KIF21A: variants seen among roughly 807,000 people sequenced by gnomAD.
KIF21A encodes kinesin family member 21A.
KIF21A carries 114 observed loss-of-function variants against 202.9 expected under a neutral mutation model. That is an observed-to-expected ratio of 0.56 (90% CI 0.48 to 0.66). KIF21A has a LOEUF of 0.66. KIF21A is among the 30% of genes least tolerant of loss of function. KIF21A has a pLI of 0.00. For missense variants in KIF21A, 1,677 were observed against 1,994.9 expected, an observed-to-expected ratio of 0.84 and a Z score of 3.04; for synonymous variants, 667 against 670.8, an observed-to-expected ratio of 0.99 and a Z score of 0.09.
chr12:39,411,811 A>T (rs1352447755), intron 1 of KIF21A, among the ~76,000 whole-genome samples: 1 of 152,116 alleles, frequency 6.6e-6, no homozygotes, highest in East Asian at 1.9e-4. Context: ...TGCTGGGATT[A>T]TAGGTATGAG....
At chr12:39,348,435 CA>C (rs776774565) in intron 11 of KIF21A, among the ~76,000 whole-genome samples, 1 of 152,052 alleles carries the variant, frequency 6.6e-6, no homozygotes, top group Non-Finnish European at 1.5e-5. Flanking sequence ...CTTAAAACCT[CA>C]CATATTAGCT....
At chr12:39,416,702 C>CATATATGTGT (rs1953690915) in intron 1 of KIF21A, among the ~76,000 whole-genome samples, 3 of 76,554 alleles carry the variant, frequency 3.9e-5, no homozygotes, top group African/African-American at 2.3e-4. Context: ...TATATATGTA[C>CATATATGTGT]ATATATATGT....
rs1424497663 is a variant in KIF21A at position 39,436,422 on chromosome 12, T to TTTTATATATA, written c.44+6504_44+6505insTATATATAAA. ...TCAATAATTATAAGGGTTTACTATA[T>TTTTATATATA]TATATATATATATATATATATATAT... On this transcript the variant is annotated intron_variant, in intron 1 of 37. Transcript: ENST00000361418. Among the ~76,000 whole-genome samples, 42 of 99,106 alleles carry TTTTATATATA rather than the reference T, an allele frequency of 4.2e-4. 1 individual carries two copies. The highest frequency in any genetic ancestry group is 1.9e-3 in the East Asian group (5 of 2,690). The allele number at this position is 99,106 out of a possible 152,430, so 65.0% of individuals were successfully genotyped here.
At chr12:39,363,981 G>A (rs1949430186) in intron 6 of KIF21A, among the ~76,000 whole-genome samples, 1 of 152,178 alleles carries the variant, frequency 6.6e-6, no homozygotes. Flanking sequence ...TTGCACCACT[G>A]CATTCCAGCC....
intron 13 of KIF21A, 26 bp from the exon 14 acceptor site, chr12:39,341,648 T>C (rs1186832097): frequency 2.5e-6 from 4 of 1,577,892 alleles, no homozygotes; most frequent in Admixed American, 3.6e-5. Context: ...TAAAAATTAA[T>C]AGCACAATAT....
chr12:39,438,495 A>C (rs58613501), intron 1 of KIF21A, among the ~76,000 whole-genome samples: 51,168 of 152,076 alleles, frequency 0.34, 10,784 homozygotes, highest in African/African-American at 0.6. Context: ...GTGCCAGTGA[A>C]AGACCTAAAA....
Position 39,296,087 on chromosome 12 carries a change from T to A in KIF21A, c.4932-1570A>T, listed in dbSNP as rs1473193843. Among the ~76,000 whole-genome samples, 4 of 134,256 alleles carry A rather than the reference T, an allele frequency of 3.0e-5. No individual in the cohort carries two copies. The South Asian group carries it at 8.0e-4, about 27-fold the overall frequency. The allele number at this position is 134,256 out of a possible 152,430, so 88.1% of individuals were successfully genotyped here. On this transcript the variant is annotated intron_variant, in intron 37 of 37. Coordinates refer to ENST00000361418, the MANE Select transcript of KIF21A (RefSeq NM_001173464.2). ...TGGGATACGCTTTTTTTTTTTTTTT[T>A]AAACAGAGTCTCACTCTGTGGCCCA...
At chr12:39,307,057 T>C (rs539020677) in intron 34 of KIF21A, among the ~76,000 whole-genome samples, 11 of 152,318 alleles carry the variant, frequency 7.2e-5, no homozygotes, top group Non-Finnish European at 1.2e-4. Flanking sequence ...TAAATTTTAA[T>C]TTATCATTTT....
chr12:39,327,941 C>T (rs75473215), intron 24 of KIF21A, among the ~76,000 whole-genome samples: 2 of 152,224 alleles, frequency 1.3e-5, no homozygotes, highest in East Asian at 3.8e-4. Flanking sequence ...TCTCACTTCA[C>T]TGGAAGTTAA....
Position 39,331,766 on chromosome 12 carries a change from G to A in KIF21A, c.3077C>T (p.Thr1026Ile). 6.2e-7 allele frequency: 1 copy of A among 1,611,976 alleles called. No individual in the cohort carries two copies. The highest frequency in any genetic ancestry group is 8.5e-7 in the Non-Finnish European group (1 of 1,178,114). The change falls in exon 22 of 38, where the codon ACT (threonine) becomes ATT (isoleucine). Residue 1026 changes from threonine to isoleucine, a missense_variant. Physicochemically the swap from Thr to Ile is moderately conservative, Grantham distance 89 (BLOSUM62 -1). Coordinates refer to ENST00000361418, the MANE Select transcript of KIF21A (RefSeq NM_001173464.2). ...AKEEGETLDV[T>I]AVINACTLTE... ...AAGGGTGCAGGCATTAATGACTGCA[G>A]TAACATCCAATGTCTCACCTTCTTC...
At chr12:39,315,851 A>G (rs1262098569) in intron 30 of KIF21A, 81 bp downstream of exon 30, 1 of 961,040 alleles carries the variant, frequency 1.0e-6, no homozygotes, top group Non-Finnish European at 1.7e-6. Context: ...AACAAAAATG[A>G]GACTTGCTTA....
intron 1 of KIF21A, among the ~76,000 whole-genome samples, chr12:39,411,391 G>A (rs189967198): frequency 6.6e-6 from 1 of 152,122 alleles, no homozygotes; most frequent in Admixed American, 6.5e-5. Context: ...AGATCCACAG[G>A]TGACCGGAAT....
chr12:39,422,297 AC>A (rs1954364989), intron 1 of KIF21A, among the ~76,000 whole-genome samples: 1 of 151,734 alleles, frequency 6.6e-6, no homozygotes, highest in Non-Finnish European at 1.5e-5. Context: ...AAAATAGTTA[AC>A]CCTTGCAAGT....
chr12:39,349,805 T>G (rs1475696058), intron 11 of KIF21A, among the ~76,000 whole-genome samples: 1 of 152,052 alleles, frequency 6.6e-6, no homozygotes. Flanking sequence ...TACTATAAAT[T>G]TTTATATGTA....
At chr12:39,328,275 C>A (rs1316543577) in intron 24 of KIF21A, among the ~76,000 whole-genome samples, 1 of 152,140 alleles carries the variant, frequency 6.6e-6, no homozygotes, top group African/African-American at 2.4e-5. Context: ...GTCACCCCCC[C>A]CAGTAAAACC....
intron 1 of KIF21A, among the ~76,000 whole-genome samples, chr12:39,417,806 A>G (rs1400465586): frequency 3.9e-5 from 6 of 152,234 alleles, no homozygotes; most frequent in Non-Finnish European, 7.4e-5. Flanking sequence ...TATAAAATAC[A>G]GTATGACAAG....
intron 13 of KIF21A, 23 bp downstream of exon 13, chr12:39,342,011 C>T: frequency 6.5e-7 from 1 of 1,534,240 alleles, no homozygotes; most frequent in Non-Finnish European, 9.0e-7. Flanking sequence ...CTAAAACTGA[C>T]AAGTTCATTC....
chr12:39,301,623 G>A lies in KIF21A; in HGVS notation c.4788C>T (p.His1596=). ...CTCTGCAGCCACTGAGCAAAACTGG[G>A]TGGTCTGGCACCACTCCCAGGGCAC... ...WVCALGVVPD[H]PVLLSGCRGG... Residue 1596 remains histidine (H), a synonymous_variant, in exon 37 of 38, where the codon CAC becomes CAT. Coordinates refer to ENST00000361418, the MANE Select transcript of KIF21A (RefSeq NM_001173464.2). 1 of 1,614,050 alleles carries A rather than the reference G, an allele frequency of 6.2e-7. No individual in the cohort carries two copies. The highest frequency in any genetic ancestry group is 8.5e-7 in the Non-Finnish European group (1 of 1,179,994).
chr12:39,441,574 A>G (rs1211919360), intron 1 of KIF21A, among the ~76,000 whole-genome samples: 3 of 150,830 alleles, frequency 2.0e-5, no homozygotes, highest in Non-Finnish European at 4.4e-5. Context: ...GTAGCCCTAG[A>G]ATAACGAAGA....
Sources: allele counts gnomAD v4.1 joint callset (sites outside exome capture counted in the v4.1 genomes callset), GRCh38; gene constraint gnomAD v4.1.1; transcripts MANE v1.5; gene names NCBI Gene and HGNC (gene_info 2026-07-23, HGNC 2026-07-21).